The following TDRD3 variants were observed in gnomAD, a reference collection of about 807,000 sequenced individuals.
TDRD3 encodes tudor domain-containing protein 3.
A neutral mutation model predicts 86.7 loss-of-function variants in TDRD3; 45 were observed. The observed-to-expected ratio is 0.52, with a 90% confidence interval of 0.41 to 0.67. The LOEUF (loss-of-function observed/expected upper bound fraction) is 0.67. Ranked by LOEUF, TDRD3 falls within the 30% of genes least tolerant of loss-of-function variation. The probability of loss-of-function intolerance (pLI) is 0.00; values close to 1 mark genes in which losing one functional copy is unlikely to be tolerated. For synonymous variants in TDRD3, 298 were observed against 301.7 expected, an observed-to-expected ratio of 0.99 and a Z score of 0.13; for missense variants, 814 against 889.0, an observed-to-expected ratio of 0.92 and a Z score of 1.07.
chr13:60,573,012 C>CA lies in TDRD3; in HGVS notation c.*10-604_*10-603insA, dbSNP rs1324932695. Among the ~76,000 whole-genome samples the CA allele has an allele frequency of 3.3e-5, 5 of 152,320 alleles. No individual in the cohort carries two copies. The East Asian group carries it at 9.6e-4, about 29-fold the overall frequency. ...AGCTGTTTGTATGCAGCCGCAGGAA[C>CA]TCCACTAGTCCCTGCCTAAGCACGC... is the stretch of plus-strand genomic sequence containing the variant. On this transcript the variant is annotated intron_variant, in intron 13 of 13. Coordinates refer to ENST00000377881, the MANE Select transcript of TDRD3 (RefSeq NM_001146070.2).
At chr13:60,547,437 C>T (rs1391664671) in intron 12 of TDRD3, 5 of 984,846 alleles carry the variant, frequency 5.1e-6, no homozygotes, top group African/African-American at 1.7e-5. Context: ...CAGGAGGAGT[C>T]AGAAGACCTG....
intron 8 of TDRD3, among the ~76,000 whole-genome samples, chr13:60,506,457 T>C (rs892196095): frequency 2.6e-5 from 4 of 152,072 alleles, no homozygotes; most frequent in Admixed American, 2.0e-4. Context: ...TAAAGAACAT[T>C]GACACTGGCC....
chr13:60,522,924 CAT>C (rs1957321748), intron 10 of TDRD3, among the ~76,000 whole-genome samples: 1 of 152,026 alleles, frequency 6.6e-6, no homozygotes, highest in African/African-American at 2.4e-5. Context: ...ATGGAAAAAT[CAT>C]GTGTTTTAGC....
intron 5 of TDRD3, 81 bp from the exon 6 acceptor site, chr13:60,483,694 G>T: frequency 7.7e-7 from 1 of 1,303,652 alleles, no homozygotes; most frequent in Non-Finnish European, 1.1e-6. Flanking sequence ...ACTCAAATAG[G>T]TAGATTCCTG....
chr13:60,535,004 G>T, intron 11 of TDRD3, 104 bp from the exon 12 acceptor site: 5 of 1,208,670 alleles, frequency 4.1e-6, no homozygotes, highest in Non-Finnish European at 4.4e-6. Context: ...TCCTTCTAAA[G>T]AATATTACAC....
intron 5 of TDRD3, among the ~76,000 whole-genome samples, chr13:60,470,622 T>C (rs1214947481): frequency 1.3e-5 from 2 of 148,446 alleles, no homozygotes; most frequent in African/African-American, 2.5e-5. Flanking sequence ...TATGGAGTGT[T>C]GCCCAGGCTG....
chr13:60,441,908 A>G (rs1269072554), intron 2 of TDRD3, among the ~76,000 whole-genome samples: 1 of 152,200 alleles, frequency 6.6e-6, no homozygotes, highest in Non-Finnish European at 1.5e-5. Context: ...GATCCCTCCC[A>G]GAAAACAGAT....
At chr13:60,531,819 T>C (rs537676652) in intron 11 of TDRD3, among the ~76,000 whole-genome samples, 12 of 152,138 alleles carry the variant, frequency 7.9e-5, no homozygotes, top group Non-Finnish European at 1.6e-4. Flanking sequence ...TAAAAAGTTA[T>C]GAGCCATAGT....
chr13:60,541,714 G>GTTTTTTT (rs1259380702), intron 12 of TDRD3, among the ~76,000 whole-genome samples: 11 of 42,998 alleles, frequency 2.6e-4, no homozygotes, highest in Admixed American at 1.4e-3. Context: ...CTTCAGCATA[G>GTTTTTTT]TCTTTTTTTT....
chr13:60,468,985 T>C (rs1445783064), intron 5 of TDRD3, among the ~76,000 whole-genome samples: 1 of 152,202 alleles, frequency 6.6e-6, no homozygotes, highest in Non-Finnish European at 1.5e-5. Context: ...TACTCTCTCC[T>C]ATTTTCTTAG....
In TDRD3 at chr13:60,573,558, G is replaced by A. The variant is rs983914925; in HGVS notation, c.*10-58G>A. 6.1e-5 allele frequency: 58 copies of A among 950,270 alleles called. No homozygotes were observed. The African/African-American group carries it at 1.0e-3, about 17-fold the overall frequency. 58.9% of individuals were successfully genotyped at this position (950,270 alleles called of 1,614,324 possible). A position where few individuals can be genotyped will look rare whatever the true frequency, so the allele number is the denominator to read the frequency against. ...TTCAGCAGAAATGTATCTTGACAAA[G>A]TATGGAAAAGTTAATTTGAGGCTTC... On this transcript the variant is annotated intron_variant, in intron 13 of 13. Coordinates refer to ENST00000377881, the MANE Select transcript of TDRD3 (RefSeq NM_001146070.2).
Position 60,534,813 on chromosome 13 carries a change from A to G in TDRD3, c.1993-295A>G, listed in dbSNP as rs1435547523. Among the ~76,000 whole-genome samples the G allele has an allele frequency of 2.0e-5, 3 of 151,270 alleles. No homozygotes were observed. The East Asian group carries it at 5.9e-4, about 30-fold the overall frequency. ...TGTGGTGGCACACACCTGTAGTCCC[A>G]GCTTCTCAAGAGGTTGAGATGGGAG... On this transcript the variant is annotated intron_variant, in intron 11 of 13. Coordinates refer to ENST00000377881, the MANE Select transcript of TDRD3 (RefSeq NM_001146070.2).
At chr13:60,462,203 C>G (rs761086472) in intron 4 of TDRD3, among the ~76,000 whole-genome samples, 1 of 152,150 alleles carries the variant, frequency 6.6e-6, no homozygotes, top group African/African-American at 2.4e-5. Flanking sequence ...CAGTCACACC[C>G]CTTGCAAGGG....
In TDRD3 at chr13:60,522,944, A is replaced by G. The variant is rs536172351; in HGVS notation, c.1142-5423A>G. Among the ~76,000 whole-genome samples the G allele has an allele frequency of 2.4e-4, 37 of 152,252 alleles. No individual in the cohort carries two copies. In the East Asian group the frequency reaches 7.2e-3, roughly 29 times the overall value. On this transcript the variant is annotated intron_variant, in intron 10 of 13. Transcript: ENST00000377881. The stretch of plus-strand genomic sequence containing the variant: ...AAAATCATGTGTTTTAGCTTCAGTT[A>G]GATTTCAGTTTAATTCTGGCTTCAG...
chr13:60,511,092 A>G (rs977334545), intron 10 of TDRD3, among the ~76,000 whole-genome samples: 10 of 152,018 alleles, frequency 6.6e-5, no homozygotes, highest in South Asian at 2.1e-4. Flanking sequence ...TGAAATTGAT[A>G]TATCTCTTCT....
At chr13:60,572,826 T>TG (rs1958616190) in intron 13 of TDRD3, among the ~76,000 whole-genome samples, 2 of 152,040 alleles carry the variant, frequency 1.3e-5, no homozygotes, top group South Asian at 4.2e-4. Context: ...TGAAATTTTT[T>TG]TTGACAATCT....
At chr13:60,436,222 G>T (rs1487636575) in intron 1 of TDRD3, among the ~76,000 whole-genome samples, 1 of 151,438 alleles carries the variant, frequency 6.6e-6, no homozygotes, top group Non-Finnish European at 1.5e-5. Flanking sequence ...TGTTTACTCT[G>T]CTGATGATTT....
intron 13 of TDRD3, 29 bp downstream of exon 13, chr13:60,567,679 A>G (rs376161278): frequency 1.2e-6 from 2 of 1,603,358 alleles, no homozygotes; most frequent in East Asian, 2.2e-5. Context: ...AGTGGTTTTC[A>G]TATAAAGAAA....
At chr13:60,530,178 A>G (rs556848954) in intron 11 of TDRD3, among the ~76,000 whole-genome samples, 5 of 152,304 alleles carry the variant, frequency 3.3e-5, no homozygotes, top group Non-Finnish European at 5.9e-5. Flanking sequence ...TTTTTGCACT[A>G]CCATGATATT....
Sources: gnomAD v4.1 joint callset for allele counts (sites outside exome capture counted in the v4.1 genomes callset) on GRCh38, gnomAD v4.1.1 for gene constraint, MANE v1.5 for transcripts, NCBI Gene and HGNC (gene_info 2026-07-23, HGNC 2026-07-21) for gene names.